Variants in SLC24A2 observed in about 807,000 individuals in gnomAD.
SLC24A2 encodes the protein solute carrier family 24 member 2.
In SLC24A2, 36 loss-of-function variants were observed where a neutral mutation model predicts 62.0. That is an observed-to-expected ratio of 0.58 (90% CI 0.44 to 0.77). The LOEUF (loss-of-function observed/expected upper bound fraction) is 0.77, where lower values mean the gene tolerates loss of function less well. Among genes scored for constraint, SLC24A2 ranks in the 30% least tolerant of loss-of-function variants. SLC24A2 has a pLI of 0.00. For missense variants in SLC24A2, 846 were observed against 817.9 expected (o/e 1.03, Z -0.42); for synonymous variants, 358 against 294.0 (o/e 1.22, Z -2.23).
chr9:19,554,502 C>G (rs1834987845), intron 7 of SLC24A2, among the ~76,000 whole-genome samples: 1 of 152,134 alleles, frequency 6.6e-6, no homozygotes, highest in Non-Finnish European at 1.5e-5. Context: ...ACCAGTCCCC[C>G]ACGGATAGCA....
chr9:20,041,592 G>T, the SLC24A2 span, among the ~76,000 whole-genome samples: 3 of 152,098 alleles, frequency 2.0e-5, no homozygotes, highest in Admixed American at 6.5e-5. Flanking sequence ...GGGAGAGAGG[G>T]CAGTTACGAT....
the SLC24A2 span, among the ~76,000 whole-genome samples, chr9:19,905,443 T>C: frequency 6.6e-6 from 1 of 151,804 alleles, no homozygotes; most frequent in Non-Finnish European, 1.5e-5. Flanking sequence ...AGTTTTGCTC[T>C]TGTTGCCTAG....
At chr9:20,012,761 A>G in the SLC24A2 span, among the ~76,000 whole-genome samples, 83 of 152,330 alleles carry the variant, frequency 5.4e-4, no homozygotes, top group South Asian at 0.016. Flanking sequence ...GAAAGAAACA[A>G]TAAATCATAC....
the SLC24A2 span, among the ~76,000 whole-genome samples, chr9:20,295,835 G>T: frequency 1.3e-5 from 2 of 152,270 alleles, no homozygotes; most frequent in African/African-American, 4.8e-5. Flanking sequence ...CCAGCTTACA[G>T]GTTGCCTATC....
the SLC24A2 span, among the ~76,000 whole-genome samples, chr9:20,269,668 G>A: frequency 0.081 from 12,305 of 152,012 alleles, 989 homozygotes; most frequent in African/African-American, 0.21. Context: ...CTGCTCCCCC[G>A]ACCCTCACCA....
chr9:20,161,964 T>A, the SLC24A2 span, among the ~76,000 whole-genome samples: 4 of 151,724 alleles, frequency 2.6e-5, no homozygotes, highest in Non-Finnish European at 3.0e-5. Context: ...ATTAGATGCA[T>A]AAGAATTGAA....
At chr9:19,942,666 A>G in the SLC24A2 span, among the ~76,000 whole-genome samples, 1 of 152,204 alleles carries the variant, frequency 6.6e-6, no homozygotes, top group African/African-American at 2.4e-5. Flanking sequence ...AGATATTTAT[A>G]ATCAGATCTT....
chr9:19,542,609 A>T (rs1342656928), intron 8 of SLC24A2, among the ~76,000 whole-genome samples: 1 of 152,196 alleles, frequency 6.6e-6, no homozygotes, highest in Non-Finnish European at 1.5e-5. Flanking sequence ...GATACGTTCA[A>T]TCAGTGCCTA....
chr9:19,792,582 C>A (rs1823331888), upstream of SLC24A2, among the ~76,000 whole-genome samples: 1 of 149,998 alleles, frequency 6.7e-6, no homozygotes, highest in African/African-American at 2.5e-5. Context: ...GTGGCAGGTG[C>A]CTGTAATCCC....
chr9:19,622,211 C>T lies in SLC24A2; in HGVS notation c.969+50G>A, dbSNP rs771134234. On this transcript the variant is annotated intron_variant, in intron 3 of 10. Transcript: ENST00000341998. ...CCGTCTCACTCCCACCCCTGCCCCACGCTCTCCACAGGCACACAAACAGGT... is the reference window on the plus strand; with the variant it reads ...CCGTCTCACTCCCACCCCTGCCCCATGCTCTCCACAGGCACACAAACAGGT... 44 of 1,546,694 alleles carry T rather than the reference C, an allele frequency of 2.8e-5. 1 individual carries two copies. In the Admixed American group the frequency reaches 4.4e-4, roughly 15 times the overall value.
Position 19,699,842 on chromosome 9 carries a change from A to T in SLC24A2, c.931-77543T>A, listed in dbSNP as rs536952753. 3.3e-5 allele frequency among the ~76,000 whole-genome samples: 5 copies of T among 152,234 alleles called. No individual in the cohort carries two copies. The South Asian group carries it at 1.0e-3, about 32-fold the overall frequency. ...TTAAATTTTTTTTTCTGACTAGATGATTCTCTGAAATAAACTAACTGCTCC... is the reference window on the plus strand; with the variant it reads ...TTAAATTTTTTTTTCTGACTAGATGTTTCTCTGAAATAAACTAACTGCTCC... On this transcript the variant is annotated intron_variant, in intron 2 of 10. Transcript: ENST00000341998.
At chr9:19,602,435 C>G (rs1319173400) in intron 4 of SLC24A2, among the ~76,000 whole-genome samples, 1 of 152,050 alleles carries the variant, frequency 6.6e-6, no homozygotes, top group Non-Finnish European at 1.5e-5. Flanking sequence ...ATGAGAATGA[C>G]AAAAATAATG....
chr9:20,104,390 A>G, the SLC24A2 span, among the ~76,000 whole-genome samples: 1 of 152,206 alleles, frequency 6.6e-6, no homozygotes, highest in African/African-American at 2.4e-5. Context: ...TCCAAGACAC[A>G]TAATTGTCAG....
chr9:19,574,884 C>A (rs1456405631), intron 6 of SLC24A2, among the ~76,000 whole-genome samples: 1 of 152,134 alleles, frequency 6.6e-6, no homozygotes, highest in African/African-American at 2.4e-5. Context: ...AGTATGCTGT[C>A]AGGGTTTCTG....
chr9:19,613,325 G>A (rs1817673419), intron 4 of SLC24A2, among the ~76,000 whole-genome samples: 1 of 152,150 alleles, frequency 6.6e-6, no homozygotes, highest in African/African-American at 2.4e-5. Flanking sequence ...AACACAACCT[G>A]CCAGTTCCTG....
intron 2 of SLC24A2, among the ~76,000 whole-genome samples, chr9:19,779,840 A>G (rs991131066): frequency 3.9e-5 from 6 of 152,188 alleles, no homozygotes; most frequent in African/African-American, 9.7e-5. Context: ...TGGGAGGATC[A>G]TGAGGTCAGG....
At chr9:20,274,764 G>A in the SLC24A2 span, among the ~76,000 whole-genome samples, 2 of 151,186 alleles carry the variant, frequency 1.3e-5, no homozygotes, top group African/African-American at 2.4e-5. Flanking sequence ...AGTGGACCAT[G>A]GCTTCCTCAT....
At chr9:20,219,914 C>G in the SLC24A2 span, among the ~76,000 whole-genome samples, 9 of 152,180 alleles carry the variant, frequency 5.9e-5, no homozygotes, top group Non-Finnish European at 1.3e-4. Flanking sequence ...ATATCCAGCA[C>G]TATACTATAC....
At chr9:20,304,918 G>A in the SLC24A2 span, among the ~76,000 whole-genome samples, 1 of 151,710 alleles carries the variant, frequency 6.6e-6, no homozygotes, top group Non-Finnish European at 1.5e-5. Context: ...CAACCCTACT[G>A]CCAGTCTCGG....
Sources: allele counts gnomAD v4.1 joint callset (sites outside exome capture counted in the v4.1 genomes callset), GRCh38; gene constraint gnomAD v4.1.1; transcripts MANE v1.5; gene names NCBI Gene and HGNC (gene_info 2026-07-23, HGNC 2026-07-21).